Variants in CARS1 observed in about 807,000 individuals in gnomAD.
CARS1 encodes cysteinyl-tRNA synthetase 1.
CARS1 carries 48 observed loss-of-function variants against 106.2 expected under a neutral mutation model. The ratio of observed to expected loss-of-function variants is 0.45; its 90% CI spans 0.36 to 0.57. The LOEUF (loss-of-function observed/expected upper bound fraction) is 0.57, where lower values mean the gene tolerates loss of function less well. Among genes scored for constraint, CARS1 ranks in the 20% least tolerant of loss-of-function variants. The pLI is 0.00. For missense variants in CARS1, 968 were observed against 1,057.2 expected, an observed-to-expected ratio of 0.92 and a Z score of 1.17; for synonymous variants, 409 against 403.4, an observed-to-expected ratio of 1.01 and a Z score of -0.17.
rs751483165 is a variant in CARS1 at position 3,042,246 on chromosome 11, C to A, written c.285G>T (p.Arg95=). 6.2e-7 allele frequency: 1 copy of A among 1,612,004 alleles called. No individual in the cohort carries two copies. The highest frequency in any genetic ancestry group is 1.1e-5 in the South Asian group (1 of 91,038). Residue 95 remains arginine, a synonymous_variant, in exon 3 of 23, where the codon CGG becomes CGT. Coordinates refer to ENST00000380525, the MANE Select transcript of CARS1 (RefSeq NM_001014437.3). ...GAGGGGACCACTGGGGCTGCACACG[C>A]CGGCCTTTGCCTGGGAGGCAGAGAG... ...QPCRLQASKG[R]RVQPQWSPPA...
chr11:3,037,141 G>A lies in CARS1; in HGVS notation c.801+909C>T, dbSNP rs749133504. 3.3e-5 allele frequency among the ~76,000 whole-genome samples: 5 copies of A among 152,224 alleles called. No individual in the cohort carries two copies. Among genetic ancestry groups the A allele is most frequent in the Non-Finnish European group, 7.3e-5 (5 of 68,030 alleles). ...CGGCTCCCAGGCAGGCACTGAGGCA[G>A]TGACAGTGACCACATGTGGGTCGTC... On this transcript the variant is annotated intron_variant, in intron 7 of 22. Transcript: ENST00000380525. The surrounding 1 kb of genome is among the most constrained non-coding windows in gnomAD (Gnocchi z 5.9).
intron 7 of CARS1, among the ~76,000 whole-genome samples, chr11:3,036,788 G>A (rs1158088408): frequency 6.6e-6 from 1 of 152,174 alleles, no homozygotes; most frequent in Non-Finnish European, 1.5e-5. Flanking sequence ...CCACGGGCAG[G>A]TGAAAGGATG....
At position 3,005,423 on chromosome 11, in the gene CARS1, T is replaced by C. The variant is rs1849761176; in HGVS notation, c.2160A>G (p.Thr720=). ...VRFEDHEGLP[T]VVKLVDRNTL... is the part of the protein sequence containing the mutation. ...TGTTTCTGTCTACCAGTTTCACCAC[T>C]GTGGGCAGTCCTGCAAAATAAACTG... Residue 720 remains threonine (T), a synonymous_variant, in exon 20 of 23, where the codon ACA becomes ACG. Coordinates refer to ENST00000380525, the MANE Select transcript of CARS1 (RefSeq NM_001014437.3). 12 of 1,613,788 alleles carry C rather than the reference T, an allele frequency of 7.4e-6. No homozygotes were observed. Among genetic ancestry groups the C allele is most frequent in the Non-Finnish European group, 1.0e-5 (12 of 1,179,696 alleles).
chr11:3,001,517 T>C (rs1402038243), intron 22 of CARS1, among the ~76,000 whole-genome samples: 3 of 152,176 alleles, frequency 2.0e-5, no homozygotes, highest in Non-Finnish European at 4.4e-5. Context: ...AGCCTACCCA[T>C]GGCTGAGTTC....
Position 3,046,551 on chromosome 11 carries a change from C to T in CARS1, c.274+1202G>A, listed in dbSNP as rs913146703. Among the ~76,000 whole-genome samples, 3 of 152,212 alleles carry T rather than the reference C, an allele frequency of 2.0e-5. No individual in the cohort carries two copies. The highest frequency in any genetic ancestry group is 4.1e-4 in the South Asian group (2 of 4,832). On this transcript the variant is annotated intron_variant, in intron 2 of 22. Coordinates refer to ENST00000380525, the MANE Select transcript of CARS1 (RefSeq NM_001014437.3). This position sits in a 1 kb window ranked among gnomAD's most constrained non-coding sequence, Gnocchi z 5.8. Reference sequence around the variant, plus strand: ...CTGCTGCAGAGTTATCCAGAAAACACGACCCACAGGAGATGTGACATCCCC... The same window carrying T: ...CTGCTGCAGAGTTATCCAGAAAACATGACCCACAGGAGATGTGACATCCCC...
intron 7 of CARS1, among the ~76,000 whole-genome samples, chr11:3,036,130 T>C (rs890618791): frequency 6.6e-6 from 1 of 152,212 alleles, no homozygotes; most frequent in Non-Finnish European, 1.5e-5. Flanking sequence ...GAGAGTGTGC[T>C]GTGTCCCCTC....
At position 3,057,344 on chromosome 11, in the gene CARS1, C is replaced by T; in HGVS notation, c.24G>A (p.Gln8=). MADSSGQ[Q]APDYRSILSI... is the part of the protein sequence containing the mutation. Reference sequence around the variant, plus strand: ...GCCTGGCCCGGCCGCGCCGCTCACCCTGCTGCCCGGAGGAATCTGCCATGG... The same window carrying T: ...GCCTGGCCCGGCCGCGCCGCTCACCTTGCTGCCCGGAGGAATCTGCCATGG... Residue 8 remains glutamine, a splice_region_variant and synonymous_variant, in exon 1 of 23, where the codon CAG becomes CAA. Transcript: ENST00000380525. 6.2e-7 allele frequency: 1 copy of T among 1,610,210 alleles called. No individual in the cohort carries two copies. The highest frequency in any genetic ancestry group is 1.3e-5 in the African/African-American group (1 of 75,026).
At position 3,012,342 on chromosome 11, in the gene CARS1, A is replaced by G; in HGVS notation, c.1987-66T>C. The G allele has an allele frequency of 2.8e-6, 4 of 1,405,490 alleles. 1 individual carries two copies. The South Asian group carries it at 4.6e-5, about 16-fold the overall frequency. 87.1% of individuals were successfully genotyped at this position (1,405,490 alleles called of 1,614,324 possible). On this transcript the variant is annotated intron_variant, in intron 17 of 22. Coordinates refer to ENST00000380525, the MANE Select transcript of CARS1 (RefSeq NM_001014437.3). ...ACTCCCATATTCATAACAGAATAAT[A>G]GCTCAGTGGCCGCGACACAGGGCAG... is the stretch of plus-strand genomic sequence containing the variant.
rs764401317 is a variant in CARS1, at chr11:3,038,170, C to T, written c.681G>A (p.Thr227=). 1.4e-5 allele frequency: 23 copies of T among 1,613,914 alleles called. 1 individual carries two copies. The highest frequency in any genetic ancestry group is 6.7e-5 in the East Asian group (3 of 44,898). The stretch of plus-strand genomic sequence containing the variant: ...CGAGCATCTGCTTTTTATCGGGATC[C>T]GTGGTCTCATTTAATTTTACTGAAA... ...KPFSVKLNET[T]DPDKKQMLER... Residue 227 remains threonine, a synonymous_variant, in exon 7 of 23, where the codon ACG becomes ACA. Transcript: ENST00000380525. This position sits in a 1 kb window ranked among gnomAD's most constrained non-coding sequence, Gnocchi z 4.0.
rs903746331 is a variant in CARS1 at position 3,019,881 on chromosome 11, C to T, written c.1266+339G>A. Among the ~76,000 whole-genome samples the T allele has an allele frequency of 6.6e-6, 1 of 152,118 alleles. No individual in the cohort carries two copies. Among genetic ancestry groups the T allele is most frequent in the Admixed American group, 6.6e-5 (1 of 15,264 alleles). ...CCCTGCAGTCAACAACTCCTGTCACCGGGAAGATCAGAACGCATCCTACAC... is the reference window on the plus strand; with the variant it reads ...CCCTGCAGTCAACAACTCCTGTCACTGGGAAGATCAGAACGCATCCTACAC... On this transcript the variant is annotated intron_variant, in intron 11 of 22. Transcript: ENST00000380525. This position sits in a 1 kb window ranked among gnomAD's most constrained non-coding sequence, Gnocchi z 6.2.
In CARS1 at chr11:3,045,013, T is replaced by G. The variant is rs1438787240; in HGVS notation, c.274+2740A>C. Among the ~76,000 whole-genome samples the G allele has an allele frequency of 1.3e-5, 2 of 152,100 alleles. No homozygotes were observed. The highest frequency in any genetic ancestry group is 4.8e-5 in the African/African-American group (2 of 41,396). Reference sequence around the variant, plus strand: ...CCTTCATGTTCCTGAAACTATGGCCTCGGCGTCTGACAGACCCACACCCTC... The same window carrying G: ...CCTTCATGTTCCTGAAACTATGGCCGCGGCGTCTGACAGACCCACACCCTC... On this transcript the variant is annotated intron_variant, in intron 2 of 22. Transcript: ENST00000380525. The surrounding 1 kb of genome is among the most constrained non-coding windows in gnomAD (Gnocchi z 5.6).
intron 10 of CARS1, 29 bp downstream of exon 10, chr11:3,026,647 C>T (rs373417952): frequency 4.3e-5 from 70 of 1,610,602 alleles, no homozygotes; most frequent in Non-Finnish European, 5.9e-5. Flanking sequence ...GAGGGAGAGC[C>T]CACATGCTCT....
chr11:3,005,252 G>A (rs1351341960), intron 20 of CARS1, 114 bp downstream of exon 20: 12 of 715,440 alleles, frequency 1.7e-5, no homozygotes, highest in African/African-American at 3.7e-5. Context: ...TATAAATACT[G>A]GGATTTTAAT....
At position 3,004,557 on chromosome 11, in the gene CARS1, T is replaced by C. The variant is rs1407102319; in HGVS notation, c.2217+809A>G. Among the ~76,000 whole-genome samples, 1 of 152,164 alleles carries C rather than the reference T, an allele frequency of 6.6e-6. No individual in the cohort carries two copies. The highest frequency in any genetic ancestry group is 1.9e-4 in the East Asian group (1 of 5,182). ...AACAGCCCCCATGGCCCACCTCCCA[T>C]GGTGTGCACTGGGGGCCCAGGTGCC... On this transcript the variant is annotated intron_variant, in intron 20 of 22. Coordinates refer to ENST00000380525, the MANE Select transcript of CARS1 (RefSeq NM_001014437.3). This position sits in a 1 kb window ranked among gnomAD's most constrained non-coding sequence, Gnocchi z 5.2.
chr11:3,015,410 C>T (rs1163708107), intron 17 of CARS1, among the ~76,000 whole-genome samples: 4 of 152,226 alleles, frequency 2.6e-5, no homozygotes, highest in South Asian at 4.1e-4. Flanking sequence ...TGCAGCCTTT[C>T]GATGAAGCAT....
chr11:3,048,152 CA>C lies in CARS1; in HGVS notation c.26-152del. On this transcript the variant is annotated intron_variant, in intron 1 of 22. Transcript: ENST00000380525. This position sits in a 1 kb window ranked among gnomAD's most constrained non-coding sequence, Gnocchi z 5.1. ...CAAACATCCAGAACAGGCAAAGGCA[CA>C]GGGGCAGCGCTTCGACTGGGGGCGA... 3 of 947,464 alleles carry C rather than the reference CA, an allele frequency of 3.2e-6. No individual in the cohort carries two copies. The highest frequency in any genetic ancestry group is 1.7e-5 in the South Asian group (1 of 57,544). The allele number at this position is 947,464 out of a possible 1,614,324, so 58.7% of individuals were successfully genotyped here.
intron 10 of CARS1, among the ~76,000 whole-genome samples, chr11:3,023,373 G>A (rs1005655796): frequency 6.6e-6 from 1 of 152,096 alleles, no homozygotes; most frequent in Non-Finnish European, 1.5e-5. Flanking sequence ...TTTTTGTCTT[G>A]TTATTCAAAC....
rs1189245790 is a variant in CARS1 at position 3,012,109 on chromosome 11, G to A, written c.2068+86C>T. On this transcript the variant is annotated intron_variant, in intron 18 of 22. Transcript: ENST00000380525. ...TCCCAGAGGATGATCCGGCCTGAAC[G>A]CCATAGTGCCTCGGGGGAGACGCCC... The A allele has an allele frequency of 4.9e-6, 6 of 1,219,892 alleles. No individual in the cohort carries two copies. The African/African-American group carries it at 7.4e-5, about 15-fold the overall frequency. 75.6% of individuals were successfully genotyped at this position (1,219,892 alleles called of 1,614,324 possible). A position where few individuals can be genotyped will look rare whatever the true frequency, so the allele number is the denominator to read the frequency against.
intron 18 of CARS1, among the ~76,000 whole-genome samples, chr11:3,011,451 A>T (rs1470077545): frequency 6.6e-6 from 1 of 152,076 alleles, no homozygotes; most frequent in East Asian, 1.9e-4. Context: ...TAAAAAAAAA[A>T]AAAATACAAA....
Sources: allele counts gnomAD v4.1 joint callset (sites outside exome capture counted in the v4.1 genomes callset), GRCh38; gene constraint gnomAD v4.1.1; non-coding constraint Gnocchi (gnomAD v3.1); transcripts MANE v1.5; gene names NCBI Gene and HGNC (gene_info 2026-07-23, HGNC 2026-07-21).